The following P3H2 variants were observed in gnomAD, a reference collection of about 807,000 sequenced individuals.
P3H2 encodes the protein prolyl 3-hydroxylase 2.
In P3H2, 80 loss-of-function variants were observed where a neutral mutation model predicts 87.0. The ratio of observed to expected loss-of-function variants is 0.92; its 90% CI spans 0.77 to 1.11. The LOEUF (loss-of-function observed/expected upper bound fraction) is 1.11, where lower values mean the gene tolerates loss of function less well. Among genes scored for constraint, P3H2 ranks in the 50% least tolerant of loss-of-function variants. The pLI, the probability that P3H2 is intolerant of heterozygous loss-of-function variation, is 0.00. For synonymous variants in P3H2, 367 were observed against 359.3 expected (o/e 1.02, Z -0.24); for missense variants, 1,001 against 923.9 (o/e 1.08, Z -1.08).
chr3:189,974,988 A>C (rs900715226), intron 8 of P3H2, among the ~76,000 whole-genome samples: 24 of 152,296 alleles, frequency 1.6e-4, no homozygotes, highest in African/African-American at 4.1e-4. Flanking sequence ...TGGGCATCTC[A>C]TAGGACTCTC....
chr3:190,074,049 G>GT (rs1449685550), intron 1 of P3H2, among the ~76,000 whole-genome samples: 1 of 152,180 alleles, frequency 6.6e-6, no homozygotes, highest in Non-Finnish European at 1.5e-5. Flanking sequence ...CACTTAAACT[G>GT]TAAGTTAGGA....
intron 1 of P3H2, among the ~76,000 whole-genome samples, chr3:190,036,201 C>T (rs1444018443): frequency 6.6e-6 from 1 of 152,132 alleles, no homozygotes; most frequent in Non-Finnish European, 1.5e-5. Flanking sequence ...CATCACTCTG[C>T]CTTTTCTCCC....
rs1314790471 is a variant in P3H2 at position 189,986,703 on chromosome 3, T to C, written c.1188+85A>G. On this transcript the variant is annotated intron_variant, in intron 6 of 14. Coordinates refer to ENST00000319332, the MANE Select transcript of P3H2 (RefSeq NM_018192.4). ...CGAAATCTTAGCTTTTTGAGGTAAA[T>C]GGCAAAAATGGAGGCAGGTAATAAA... 7.0e-6 allele frequency: 7 copies of C among 994,226 alleles called. No homozygotes were observed. The East Asian group carries it at 1.7e-4, about 24-fold the overall frequency. The allele number at this position is 994,226 out of a possible 1,614,324, so 61.6% of individuals were successfully genotyped here.
At chr3:190,066,010 GT>G (rs1726487063) in intron 1 of P3H2, among the ~76,000 whole-genome samples, 1 of 151,888 alleles carries the variant, frequency 6.6e-6, no homozygotes, top group South Asian at 2.1e-4. Context: ...TATTTGCATG[GT>G]TTTGAAGGTT....
intron 1 of P3H2, among the ~76,000 whole-genome samples, chr3:190,037,762 G>A (rs3107655): frequency 0.83 from 126,418 of 152,174 alleles, 52,800 homozygotes; most frequent in African/African-American, 0.92. Context: ...CATTTCTTGC[G>A]CCTCCTTTAT....
At chr3:190,087,639 G>C (rs562665314) in intron 1 of P3H2, among the ~76,000 whole-genome samples, 8 of 151,336 alleles carry the variant, frequency 5.3e-5, no homozygotes, top group Non-Finnish European at 7.4e-5. Flanking sequence ...ATTATGGGAA[G>C]TCAGTATTTG....
At chr3:190,088,135 C>A (rs1727287468) in intron 1 of P3H2, among the ~76,000 whole-genome samples, 1 of 151,928 alleles carries the variant, frequency 6.6e-6, no homozygotes, top group Admixed American at 6.6e-5. Context: ...GATCTAAAGT[C>A]TCATTGATGA....
intron 1 of P3H2, among the ~76,000 whole-genome samples, chr3:190,011,642 T>G (rs939992553): frequency 2.0e-5 from 3 of 152,170 alleles, no homozygotes; most frequent in African/African-American, 7.2e-5. Flanking sequence ...GCCTGGGGAA[T>G]GTCATCTTAA....
chr3:190,007,148 TA>T (rs1397971878), intron 1 of P3H2, among the ~76,000 whole-genome samples: 1 of 152,176 alleles, frequency 6.6e-6, no homozygotes, highest in Non-Finnish European at 1.5e-5. Flanking sequence ...ATAAACTTTA[TA>T]ATATCCTTTT....
chr3:190,063,727 A>G (rs1267549983), intron 1 of P3H2, among the ~76,000 whole-genome samples: 2 of 152,062 alleles, frequency 1.3e-5, no homozygotes, highest in Non-Finnish European at 1.5e-5. Context: ...GAGTGAGTGA[A>G]GCCTGTATGG....
At chr3:189,998,625 C>G (rs999622726) in intron 1 of P3H2, among the ~76,000 whole-genome samples, 2 of 152,116 alleles carry the variant, frequency 1.3e-5, no homozygotes, top group Non-Finnish European at 2.9e-5. Flanking sequence ...GTATATTAAT[C>G]TTTTTATTTT....
chr3:189,991,491 C>A (rs1432400333), intron 3 of P3H2, among the ~76,000 whole-genome samples: 8 of 152,194 alleles, frequency 5.3e-5, no homozygotes, highest in Non-Finnish European at 5.9e-5. Context: ...CATCTCCTTC[C>A]TTCATTCATT....
At chr3:190,054,601 C>T (rs77877208) in intron 1 of P3H2, among the ~76,000 whole-genome samples, 2,989 of 152,202 alleles carry the variant, frequency 0.02, 108 homozygotes, top group African/African-American at 0.069. Context: ...CTCCACTACT[C>T]CAGGCAGCTC....
At chr3:189,959,847 G>C (rs1192026353) in intron 14 of P3H2, among the ~76,000 whole-genome samples, 1 of 148,904 alleles carries the variant, frequency 6.7e-6, no homozygotes, top group African/African-American at 2.5e-5. Context: ...AACTCTCCAG[G>C]ACTGGAGGAG....
intron 14 of P3H2, among the ~76,000 whole-genome samples, chr3:189,958,781 G>A (rs1205063509): frequency 7.0e-6 from 1 of 142,888 alleles, no homozygotes; most frequent in Admixed American, 7.7e-5. Flanking sequence ...TCGGCTCACT[G>A]CAACCTCTGC....
In P3H2 at chr3:189,984,399, GGGACCTGGATGTAGAGCT is replaced by G. The variant is rs1168353693; in HGVS notation, c.1229+133_1229+150del. On this transcript the variant is annotated intron_variant, in intron 7 of 14. Transcript: ENST00000319332. ...TTACAAAAACGTGGCAGGAAGAGCT[GGGACCTGGATGTAGAGCT>G]CCTAATTCAGAGCTTAGAATTATTT... 2.3e-5 allele frequency: 14 copies of G among 618,720 alleles called. No individual in the cohort carries two copies. The African/African-American group carries it at 2.6e-4, about 12-fold the overall frequency. The allele number at this position is 618,720 out of a possible 1,614,324, so 38.3% of individuals were successfully genotyped here. A position where few individuals can be genotyped will look rare whatever the true frequency, so the allele number is the denominator to read the frequency against.
At chr3:190,062,417 C>T (rs1011431749) in intron 1 of P3H2, among the ~76,000 whole-genome samples, 8 of 152,116 alleles carry the variant, frequency 5.3e-5, no homozygotes, top group Non-Finnish European at 1.0e-4. Context: ...CACAGAATAT[C>T]CCCATTTAAC....
At chr3:190,031,365 T>A (rs1377445815) in intron 1 of P3H2, among the ~76,000 whole-genome samples, 2 of 67,790 alleles carry the variant, frequency 3.0e-5, no homozygotes, top group East Asian at 5.6e-4. Flanking sequence ...ATGCCGGGCA[T>A]GAGGTCTCAT....
At chr3:190,045,805 A>G (rs545023826) in intron 1 of P3H2, among the ~76,000 whole-genome samples, 27 of 152,134 alleles carry the variant, frequency 1.8e-4, no homozygotes, top group Admixed American at 1.7e-3. Context: ...TCCTGTAGAC[A>G]GAAGCCTCAG....
Sources: gnomAD v4.1 joint callset for allele counts (sites outside exome capture counted in the v4.1 genomes callset) on GRCh38, gnomAD v4.1.1 for gene constraint, MANE v1.5 for transcripts, NCBI Gene and HGNC (gene_info 2026-07-23, HGNC 2026-07-21) for gene names.